Variants in IL17RA observed in about 807,000 individuals in gnomAD.
IL17RA encodes interleukin-17 receptor A.
A neutral mutation model predicts 50.4 loss-of-function variants in IL17RA; 34 were observed. The observed-to-expected ratio is 0.67, with a 90% CI of 0.51 to 0.90. The LOEUF (loss-of-function observed/expected upper bound fraction) is 0.90, where lower values mean the gene tolerates loss of function less well. IL17RA is among the 40% of genes least tolerant of loss of function. IL17RA has a pLI of 0.00. For synonymous variants in IL17RA, 585 were observed against 510.4 expected (o/e 1.15, Z -1.97); for missense variants, 1,276 against 1,169.8 (o/e 1.09, Z -1.32).
At position 17,100,379 on chromosome 22, in the gene IL17RA, G is replaced by A; in HGVS notation, c.448G>A (p.Val150Met). ...GTGGCGTTTTACCTTCAGCCACTTT[G>A]TGGTTGACCCTGACCAGGAATATGA... is the stretch of plus-strand genomic sequence containing the variant. ...RRWRFTFSHF[V>M]VDPDQEYEVT... The change falls in exon 5 of 13, where the codon GTG (valine) becomes ATG (methionine). Residue 150 changes from valine to methionine, a missense_variant. Physicochemically the swap from Val to Met is conservative, Grantham distance 21 (BLOSUM62 1). Coordinates refer to ENST00000319363, the MANE Select transcript of IL17RA (RefSeq NM_014339.7). 6.2e-7 allele frequency: 1 copy of A among 1,614,022 alleles called. No individual in the cohort carries two copies. Among genetic ancestry groups the A allele is most frequent in the Non-Finnish European group, 8.5e-7 (1 of 1,180,000 alleles).
intron 1 of IL17RA, among the ~76,000 whole-genome samples, chr22:17,094,705 A>ATATATATATATATATATATG (rs2061362611): frequency 1.5e-5 from 1 of 66,864 alleles, no homozygotes; most frequent in Non-Finnish European, 2.8e-5. Context: ...ATATATATAT[A>ATATATATATATATATATATG]TATATATATA....
chr22:17,101,106 T>C (rs1242722618), intron 5 of IL17RA, among the ~76,000 whole-genome samples: 2 of 152,222 alleles, frequency 1.3e-5, no homozygotes, highest in African/African-American at 4.8e-5. Context: ...CAGGCTATAG[T>C]GCAATTTTGC....
chr22:17,105,861 C>T lies in IL17RA; in HGVS notation c.952C>T (p.Pro318Ser), dbSNP rs200724343. The T allele has an allele frequency of 3.3e-5, 53 of 1,613,824 alleles. No homozygotes were observed. The highest frequency in any genetic ancestry group is 8.3e-5 in the Admixed American group (5 of 59,994). The change falls in exon 11 of 13, where the codon CCC becomes TCC. Residue 318 changes from proline (P) to serine (S), a missense_variant. By Grantham distance (74) the Pro-to-Ser change is moderately conservative (BLOSUM62 -1). Coordinates refer to ENST00000319363, the MANE Select transcript of IL17RA (RefSeq NM_014339.7). ...TGTTCTGCTCACCGCAGACTACATGCCCCTGTGGGTGTACTGGTTCATCAC... is the reference window on the plus strand; with the variant it reads ...TGTTCTGCTCACCGCAGACTACATGTCCCTGTGGGTGTACTGGTTCATCAC... ...DTPEPIPDYMPLWVYWFITGI... is the reference protein window; with the variant it reads ...DTPEPIPDYMSLWVYWFITGI...
At position 17,104,711 on chromosome 22, in the gene IL17RA, C is replaced by T. The variant is rs902665119; in HGVS notation, c.847-15C>T. ...TACAGTTCTGGAGCCCTTTTCCTGC[C>T]CTCTCTGCCCGCAGATCCAGCCCTT... On this transcript the variant is annotated splice_polypyrimidine_tract_variant and intron_variant, in intron 8 of 12. Coordinates refer to ENST00000319363, the MANE Select transcript of IL17RA (RefSeq NM_014339.7). 9 of 1,613,324 alleles carry T rather than the reference C, an allele frequency of 5.6e-6. No homozygotes were observed. In the Admixed American group the frequency reaches 8.3e-5, roughly 15 times the overall value.
intron 1 of IL17RA, among the ~76,000 whole-genome samples, chr22:17,096,592 C>T (rs192652535): frequency 6.6e-6 from 1 of 152,148 alleles, no homozygotes; most frequent in Non-Finnish European, 1.5e-5. Context: ...ATTCCTGTGC[C>T]GGGCGCGGTG....
intron 10 of IL17RA, 28 bp downstream of exon 10, chr22:17,105,630 C>T (rs2061410883): frequency 3.1e-6 from 5 of 1,612,406 alleles, no homozygotes; most frequent in Non-Finnish European, 4.2e-6. Flanking sequence ...TCCGACAGCA[C>T]TGCAGCCCTC....
intron 12 of IL17RA, 150 bp downstream of exon 12, chr22:17,107,918 A>C (rs184826270): frequency 2.8e-6 from 2 of 725,778 alleles, no homozygotes; most frequent in Non-Finnish European, 4.9e-6. Flanking sequence ...CCCCACTCAG[A>C]AGGGCCCCCA....
At position 17,108,581 on chromosome 22, in the gene IL17RA, G is replaced by A. The variant is rs1314614440; in HGVS notation, c.1362G>A (p.Lys454=). ...IVLCSRGTRA[K]WQALLGRGAP... The stretch of plus-strand genomic sequence containing the variant: ...TGTGCTCCCGCGGCACGCGCGCCAA[G>A]TGGCAGGCGCTCCTGGGCCGGGGGG... The change falls in exon 13 of 13, where the codon AAG becomes AAA. Residue 454 remains lysine, a synonymous_variant. Transcript: ENST00000319363. 6.2e-7 allele frequency: 1 copy of A among 1,605,954 alleles called. No individual in the cohort carries two copies. Among genetic ancestry groups the A allele is most frequent in the South Asian group, 1.1e-5 (1 of 91,086 alleles).
intron 1 of IL17RA, chr22:17,093,884 G>C (rs549625569): frequency 5.9e-5 from 9 of 152,558 alleles, no homozygotes; most frequent in African/African-American, 1.7e-4. Context: ...CCCCTCCATG[G>C]GTGTGCTTGT....
At chr22:17,107,848 C>T in intron 12 of IL17RA, 80 bp downstream of exon 12, 1 of 1,286,786 alleles carries the variant, frequency 7.8e-7, no homozygotes, top group Non-Finnish European at 1.1e-6. Context: ...TGGGTCGCCT[C>T]CTGTGCTCTA....
chr22:17,107,764 C>T lies in IL17RA; in HGVS notation c.1083C>T (p.Tyr361=), dbSNP rs1601348798. The part of the protein sequence containing the change: ...GSEKYSDDTK[Y]TDGLPAADLI... Reference sequence around the variant, plus strand: ...AAAAATACAGTGATGACACCAAATACACCGGTCAGTATTTCCTGGTTTGCA... The same window carrying T: ...AAAAATACAGTGATGACACCAAATATACCGGTCAGTATTTCCTGGTTTGCA... Residue 361 remains tyrosine (Y), a synonymous_variant, in exon 12 of 13, where the codon TAC becomes TAT. Coordinates refer to ENST00000319363, the MANE Select transcript of IL17RA (RefSeq NM_014339.7). The T allele has an allele frequency of 5.6e-6, 9 of 1,613,442 alleles. No homozygotes were observed. In the African/African-American group the frequency reaches 8.0e-5, roughly 14 times the overall value.
At chr22:17,097,738 T>C (rs547188499) in intron 2 of IL17RA, 59 bp from the exon 3 acceptor site, 3 of 1,607,028 alleles carry the variant, frequency 1.9e-6, no homozygotes, top group Non-Finnish European at 2.6e-6. Flanking sequence ...TACCTGCTGC[T>C]GGGGCATCTC....
chr22:17,088,662 A>G (rs1357546313), intron 1 of IL17RA, among the ~76,000 whole-genome samples: 2 of 150,586 alleles, frequency 1.3e-5, no homozygotes, highest in African/African-American at 2.5e-5. Flanking sequence ...AATTTTTGTT[A>G]TTTTTAGTAG....
chr22:17,102,405 C>G, intron 7 of IL17RA, 103 bp downstream of exon 7: 1 of 1,276,018 alleles, frequency 7.8e-7, no homozygotes, highest in Non-Finnish European at 1.1e-6. Context: ...GCTAGAAGCT[C>G]GCGACTCAGG....
Position 17,115,070 on chromosome 22 carries a change from A to T in IL17RA, c.*5250A>T, listed in dbSNP as rs2061461891. 1 of 152,194 alleles carries T rather than the reference A, an allele frequency of 6.6e-6. No homozygotes were observed. Among genetic ancestry groups the T allele is most frequent in the South Asian group, 2.1e-4 (1 of 4,836 alleles). The allele number at this position is 152,194 out of a possible 1,614,324, so 9.4% of individuals were successfully genotyped here. A position where few individuals can be genotyped will look rare whatever the true frequency, so the allele number is the denominator to read the frequency against. ...GGCATTGCCTACACGTGAAGAGATC[A>T]CTCCGCGTCCCTACTGCACCTGTCA... On this transcript the variant is annotated 3_prime_UTR_variant, in exon 13 of 13. Transcript: ENST00000319363.
chr22:17,105,531 T>C (rs1461529991), intron 9 of IL17RA, 60 bp from the exon 10 acceptor site: 3 of 1,552,730 alleles, frequency 1.9e-6, no homozygotes, highest in Non-Finnish European at 2.7e-6. Context: ...TTGTGTTTCT[T>C]GTGATGACTG....
chr22:17,102,078 C>T (rs1455594880), intron 6 of IL17RA, 35 bp downstream of exon 6: 1 of 1,614,118 alleles, frequency 6.2e-7, no homozygotes. Flanking sequence ...TATTTGGATG[C>T]ATACACATGC....
chr22:17,108,278 G>A, intron 12 of IL17RA, 29 bp from the exon 13 acceptor site: 1 of 1,611,526 alleles, frequency 6.2e-7, no homozygotes, highest in Non-Finnish European at 8.5e-7. Context: ...CTGGGGTGAG[G>A]GTCAGCATGT....
chr22:17,114,667 C>G lies in IL17RA; in HGVS notation c.*4847C>G, dbSNP rs915131509. 1 of 152,244 alleles carries G rather than the reference C, an allele frequency of 6.6e-6. No homozygotes were observed. The highest frequency in any genetic ancestry group is 2.4e-5 in the African/African-American group (1 of 41,454). 9.4% of individuals were successfully genotyped at this position (152,244 alleles called of 1,614,324 possible). A position where few individuals can be genotyped will look rare whatever the true frequency, so the allele number is the denominator to read the frequency against. On this transcript the variant is annotated 3_prime_UTR_variant, in exon 13 of 13. Transcript: ENST00000319363. ...CCTGCACGGGTGTCCCACTGGCCGC[C>G]TCTGCTCACCAGTGTCATGGGATTC...
Sources: allele counts gnomAD v4.1 joint callset (sites outside exome capture counted in the v4.1 genomes callset), GRCh38; gene constraint gnomAD v4.1.1; transcripts MANE v1.5; gene names NCBI Gene and HGNC (gene_info 2026-07-23, HGNC 2026-07-21).